The following PAH variants were observed in gnomAD, a reference collection of about 807,000 sequenced individuals.
The protein encoded by PAH is phenylalanine hydroxylase.
In PAH, 64 loss-of-function variants were observed where a neutral mutation model predicts 62.0. That is an observed-to-expected ratio of 1.03 (90% CI 0.84 to 1.27). The LOEUF (loss-of-function observed/expected upper bound fraction) is 1.27, where lower values mean the gene tolerates loss of function less well. PAH is among the 50% of genes most tolerant of loss of function. The pLI is 0.00. For missense variants in PAH, 579 were observed against 542.8 expected, an observed-to-expected ratio of 1.07 and a Z score of -0.66; for synonymous variants, 195 against 196.2, an observed-to-expected ratio of 0.99 and a Z score of 0.05.
chr12:102,908,221 G>GACACACAC (rs150345639), intron 2 of PAH, among the ~76,000 whole-genome samples: 66 of 141,800 alleles, frequency 4.7e-4, no homozygotes, highest in African/African-American at 1.6e-3. Context: ...CTGCAGCCCC[G>GACACACAC]ACACACACAC....
At chr12:102,910,851 CCCTGGTCTTA>C (rs888928435) in intron 2 of PAH, among the ~76,000 whole-genome samples, 17 of 152,254 alleles carry the variant, frequency 1.1e-4, no homozygotes, top group African/African-American at 4.1e-4. Context: ...GCCTTCCCCT[CCCTGGTCTTA>C]CCTCACCACC....
upstream of PAH, among the ~76,000 whole-genome samples, chr12:102,919,637 C>G (rs1878506521): frequency 6.6e-6 from 1 of 152,146 alleles, no homozygotes; most frequent in African/African-American, 2.4e-5. Context: ...TCTCTACTCT[C>G]TAGCTCCATG....
In PAH at chr12:102,846,103, G is replaced by A. The variant is rs113359832; in HGVS notation, c.969+792C>T. 1.8e-3 allele frequency among the ~76,000 whole-genome samples: 270 copies of A among 152,132 alleles called. 3 individuals are homozygous for A. The highest frequency in any genetic ancestry group is 5.9e-3 in the African/African-American group (246 of 41,514). ...TAAATTTTTAGTTGCCTTTGAGATG[G>A]GCAAGATATGAGCTATTGCATCCCA... On this transcript the variant is annotated intron_variant, in intron 9 of 12. Coordinates refer to ENST00000553106, the MANE Select transcript of PAH (RefSeq NM_000277.3).
chr12:102,900,795 A>G (rs1474964480), intron 2 of PAH, among the ~76,000 whole-genome samples: 1 of 152,172 alleles, frequency 6.6e-6, no homozygotes, highest in African/African-American at 2.4e-5. Context: ...CTTTTCAACA[A>G]GAGGTTTGTG....
intron 1 of PAH, among the ~76,000 whole-genome samples, chr12:102,925,908 A>G (rs1878669314): frequency 6.6e-6 from 1 of 152,140 alleles, no homozygotes; most frequent in African/African-American, 2.4e-5. Context: ...ACCAATATAT[A>G]TATAATATAC....
chr12:102,847,370 G>A (rs1255077117), intron 8 of PAH: 7 of 254,302 alleles, frequency 2.8e-5, no homozygotes, highest in South Asian at 2.2e-4. Context: ...TGGTGACATC[G>A]GTCCAGGCAT....
chr12:102,949,174 C>T (rs906346101), intron 1 of PAH, among the ~76,000 whole-genome samples: 5 of 152,170 alleles, frequency 3.3e-5, no homozygotes, highest in African/African-American at 1.2e-4. Context: ...CATCCGTTTG[C>T]ATGTGCATCC....
chr12:102,927,710 G>A (rs1878725390), intron 1 of PAH, among the ~76,000 whole-genome samples: 1 of 152,022 alleles, frequency 6.6e-6, no homozygotes, highest in Non-Finnish European at 1.5e-5. Flanking sequence ...ACACAATTAA[G>A]CTATGAATAA....
intron 5 of PAH, among the ~76,000 whole-genome samples, chr12:102,860,935 A>C (rs2136656532): frequency 6.6e-6 from 1 of 152,342 alleles, no homozygotes; most frequent in East Asian, 1.9e-4. Flanking sequence ...CAAGGACTTC[A>C]TGTCTTAAAC....
chr12:102,863,776 C>A (rs538768946), intron 5 of PAH, among the ~76,000 whole-genome samples: 1 of 152,254 alleles, frequency 6.6e-6, no homozygotes, highest in Non-Finnish European at 1.5e-5. Context: ...TTAAACTCTT[C>A]ATTTATAGTA....
intron 4 of PAH, among the ~76,000 whole-genome samples, chr12:102,872,590 T>C (rs1488914648): frequency 2.0e-5 from 3 of 152,112 alleles, no homozygotes; most frequent in Admixed American, 6.5e-5. Flanking sequence ...TTGAAAAATA[T>C]AGTCTTGTTA....
chr12:102,904,895 T>C (rs1565870624), intron 2 of PAH, among the ~76,000 whole-genome samples: 1 of 152,208 alleles, frequency 6.6e-6, no homozygotes, highest in Non-Finnish European at 1.5e-5. Flanking sequence ...TTATTGCTCA[T>C]TGCCATTTTT....
At chr12:102,874,298 G>A (rs1876474900) in intron 4 of PAH, among the ~76,000 whole-genome samples, 1 of 152,214 alleles carries the variant, frequency 6.6e-6, no homozygotes, top group East Asian at 1.9e-4. Context: ...GTTGGATTCT[G>A]CCTGCCAAGT....
At chr12:102,843,344 G>C (rs1874669591) in intron 11 of PAH, among the ~76,000 whole-genome samples, 1 of 152,082 alleles carries the variant, frequency 6.6e-6, no homozygotes, top group African/African-American at 2.4e-5. Flanking sequence ...TAGGTTATAA[G>C]ACTTCTTTGA....
At chr12:102,933,495 G>A (rs1878991570) in intron 1 of PAH, among the ~76,000 whole-genome samples, 1 of 152,098 alleles carries the variant, frequency 6.6e-6, no homozygotes, top group African/African-American at 2.4e-5. Context: ...ATACCCAGCA[G>A]TGGGATTACT....
At chr12:102,878,748 G>A (rs1338687519) in intron 3 of PAH, among the ~76,000 whole-genome samples, 1 of 152,072 alleles carries the variant, frequency 6.6e-6, no homozygotes, top group Non-Finnish European at 1.5e-5. Flanking sequence ...ATTCACCCTG[G>A]TTGTGTTAAC....
At chr12:102,846,099 G>T (rs1874830550) in intron 9 of PAH, among the ~76,000 whole-genome samples, 4 of 152,092 alleles carry the variant, frequency 2.6e-5, no homozygotes, top group Admixed American at 2.6e-4. Context: ...TTGCCTTTGA[G>T]ATGGGCAAGA....
chr12:102,878,780 AACC>A (rs1313480640), intron 3 of PAH, among the ~76,000 whole-genome samples: 2 of 152,150 alleles, frequency 1.3e-5, no homozygotes, highest in Non-Finnish European at 2.9e-5. Flanking sequence ...TGACAGCAGT[AACC>A]ACCATCCAGA....
chr12:102,916,290 G>T (rs982102889), intron 1 of PAH, among the ~76,000 whole-genome samples: 22 of 152,014 alleles, frequency 1.4e-4, no homozygotes, highest in Non-Finnish European at 5.9e-5. Context: ...CTGATGACAG[G>T]GGCCTGCAGA....
Sources: allele counts gnomAD v4.1 joint callset (sites outside exome capture counted in the v4.1 genomes callset), GRCh38; gene constraint gnomAD v4.1.1; transcripts MANE v1.5; gene names NCBI Gene and HGNC (gene_info 2026-07-23, HGNC 2026-07-21).